The following SP6 variants were observed in gnomAD, a reference collection of about 807,000 sequenced individuals.
The protein encoded by SP6 is Sp6 transcription factor.
SP6 carries 10 observed loss-of-function variants against 23.4 expected under a neutral mutation model. The observed-to-expected ratio is 0.43, with a 90% CI of 0.26 to 0.72. SP6 has a LOEUF of 0.72. SP6 is among the 30% of genes least tolerant of loss of function. SP6 has a pLI of 0.23. For missense variants in SP6, 482 were observed against 523.8 expected (o/e 0.92, Z 0.78); for synonymous variants, 238 against 238.7 (o/e 1.00, Z 0.03).
At chr17:47,870,426 C>T in the SP6 span, among the ~76,000 whole-genome samples, 2 of 152,238 alleles carry the variant, frequency 1.3e-5, no homozygotes, top group South Asian at 4.2e-4. Context: ...CAAATGACAT[C>T]CCTGCTTCTT....
the SP6 span, among the ~76,000 whole-genome samples, chr17:47,862,123 A>G: frequency 6.6e-6 from 1 of 151,580 alleles, no homozygotes; most frequent in East Asian, 1.9e-4. Flanking sequence ...AGATGAGTGG[A>G]TCACCGGAGG....
At chr17:47,868,301 C>A in the SP6 span, among the ~76,000 whole-genome samples, 32 of 152,214 alleles carry the variant, frequency 2.1e-4, no homozygotes, top group Non-Finnish European at 4.4e-4. Context: ...CAAAGATGGA[C>A]CAACATGGTG....
chr17:47,859,883 A>G (rs1270098127), upstream of SP6, among the ~76,000 whole-genome samples: 1 of 152,134 alleles, frequency 6.6e-6, no homozygotes, highest in African/African-American at 2.4e-5. Flanking sequence ...CGGTAAGTGG[A>G]GCCGAGAGAA....
At chr17:47,849,337 G>A (rs1438031891) in intron 1 of SP6, among the ~76,000 whole-genome samples, 1 of 152,206 alleles carries the variant, frequency 6.6e-6, no homozygotes, top group Non-Finnish European at 1.5e-5. Context: ...GGCTTCCCCA[G>A]AGAAGAGCTT....
chr17:47,857,373 G>A (rs2034004770), upstream of SP6, among the ~76,000 whole-genome samples: 2 of 152,212 alleles, frequency 1.3e-5, no homozygotes, highest in African/African-American at 2.4e-5. Flanking sequence ...ACCAAAGGAT[G>A]CCTCCAAATT....
chr17:47,861,157 C>T, the SP6 span, among the ~76,000 whole-genome samples: 2 of 152,208 alleles, frequency 1.3e-5, no homozygotes, highest in Admixed American at 6.5e-5. Context: ...TTGGCTCTGA[C>T]TGCCCAGCTC....
chr17:47,848,321 T>C lies in SP6; in HGVS notation c.109A>G (p.Ser37Gly), dbSNP rs1255894232. Residue 37 changes from serine to glycine, a missense_variant, in exon 2 of 2, where the codon AGC becomes GGC. This residue lies in a region of SP6 where 330 missense variants were observed against 332.3 expected (regional missense o/e 0.99). Transcript: ENST00000536300. This position sits in a 1 kb window ranked among gnomAD's most constrained non-coding sequence, Gnocchi z 5.3. ...QPLQTYQGHTSPEAGDYPSPL... is the reference protein window; with the variant it reads ...QPLQTYQGHTGPEAGDYPSPL... ...GAGGGGTAGTCCCCGGCCTCAGGGC[T>C]CGTGTGGCCCTGGTAAGTTTGGAGA... 2 of 1,610,574 alleles carry C rather than the reference T, an allele frequency of 1.2e-6. No homozygotes were observed. The highest frequency in any genetic ancestry group is 1.7e-6 in the Non-Finnish European group (2 of 1,178,676).
the SP6 span, among the ~76,000 whole-genome samples, chr17:47,871,908 A>G: frequency 6.6e-6 from 1 of 152,158 alleles, no homozygotes; most frequent in Non-Finnish European, 1.5e-5. Context: ...GGCGTCAGCC[A>G]CCGCGCCCGG....
At chr17:47,860,878 G>A in the SP6 span, among the ~76,000 whole-genome samples, 1 of 152,178 alleles carries the variant, frequency 6.6e-6, no homozygotes, top group Non-Finnish European at 1.5e-5. Context: ...CAAGGTCAGG[G>A]GTGGCAGACA....
chr17:47,861,604 G>T, the SP6 span, among the ~76,000 whole-genome samples: 1 of 152,098 alleles, frequency 6.6e-6, no homozygotes, highest in African/African-American at 2.4e-5. Flanking sequence ...ATGGCGGTGC[G>T]CGCCTGTAGT....
the SP6 span, among the ~76,000 whole-genome samples, chr17:47,874,096 T>C: frequency 6.6e-6 from 1 of 151,588 alleles, no homozygotes; most frequent in Admixed American, 6.6e-5. Context: ...CTTCTTCTTT[T>C]TTGTTATTTT....
rs1567961219 is a variant in SP6 at position 47,848,343 on chromosome 17, G to C, written c.87C>G (p.Leu29=). 1.2e-6 allele frequency: 2 copies of C among 1,606,980 alleles called. No homozygotes were observed. The highest frequency in any genetic ancestry group is 8.5e-7 in the Non-Finnish European group (1 of 1,176,844). ...GGCTCGTGTGGCCCTGGTAAGTTTG[G>C]AGAGGCTGCAGGTCGAGGCGCGGCG... The part of the protein sequence containing the change: ...ASPPRLDLQP[L]QTYQGHTSPE... Residue 29 remains leucine (L), a synonymous_variant, in exon 2 of 2, where the codon CTC becomes CTG. Transcript: ENST00000536300. This position sits in a 1 kb window ranked among gnomAD's most constrained non-coding sequence, Gnocchi z 5.3.
the SP6 span, among the ~76,000 whole-genome samples, chr17:47,870,450 G>T: frequency 2.0e-5 from 3 of 152,032 alleles, no homozygotes; most frequent in Admixed American, 6.5e-5. Flanking sequence ...CTCCACCCAG[G>T]AAAAAGGCAG....
rs1432228309 is a variant in SP6, at chr17:47,847,828, C to G, written c.602G>C (p.Gly201Ala). ...ALEVAAPESQ[G>A]LDSSLDGAAR... ...CGCCCCGTCCAGGCTGGAATCCAGC[C>G]CTTGAGACTCCGGGGCGGCTACTTC... Residue 201 changes from glycine (G) to alanine (A), a missense_variant, in exon 2 of 2, where the codon GGG becomes GCG. Transcript: ENST00000536300. 1.3e-6 allele frequency: 2 copies of G among 1,524,606 alleles called. No homozygotes were observed. The highest frequency in any genetic ancestry group is 4.6e-5 in the East Asian group (2 of 43,760). 94.4% of individuals were successfully genotyped at this position (1,524,606 alleles called of 1,614,324 possible).
chr17:47,851,413 C>T (rs566315846), upstream of SP6, among the ~76,000 whole-genome samples: 14 of 152,248 alleles, frequency 9.2e-5, no homozygotes, highest in South Asian at 2.9e-3. Flanking sequence ...TTCTAAGACC[C>T]GCCCCGCCGG....
At chr17:47,851,800 C>T (rs182715772), upstream of SP6, among the ~76,000 whole-genome samples, 7 of 150,876 alleles carry the variant, frequency 4.6e-5, no homozygotes, top group Non-Finnish European at 7.4e-5. Flanking sequence ...TTCCCTCTCC[C>T]TTCCGGGGTA....
At chr17:47,856,687 A>G (rs887696135), upstream of SP6, among the ~76,000 whole-genome samples, 10 of 152,152 alleles carry the variant, frequency 6.6e-5, no homozygotes, top group African/African-American at 1.9e-4. Flanking sequence ...CTTGTTTCCC[A>G]AAGCTCACTG....
the SP6 span, among the ~76,000 whole-genome samples, chr17:47,868,761 G>A: frequency 6.6e-6 from 1 of 152,194 alleles, no homozygotes; most frequent in Non-Finnish European, 1.5e-5. Flanking sequence ...ACGGAGCTTT[G>A]GAACAGGCAG....
upstream of SP6, among the ~76,000 whole-genome samples, chr17:47,852,006 G>C (rs561419614): frequency 1.9e-3 from 282 of 151,838 alleles, no homozygotes; most frequent in Non-Finnish European, 3.2e-3. Context: ...CCTGTCCTTC[G>C]GGAAATGCTC....
Sources: allele counts gnomAD v4.1 joint callset (sites outside exome capture counted in the v4.1 genomes callset), GRCh38; gene constraint gnomAD v4.1.1; regional missense constraint gnomAD v4.1.1; non-coding constraint Gnocchi (gnomAD v3.1); transcripts MANE v1.5; gene names NCBI Gene and HGNC (gene_info 2026-07-23, HGNC 2026-07-21).